Variants in PIK3R3 observed in about 807,000 individuals in gnomAD.
PIK3R3 encodes phosphatidylinositol 3-kinase regulatory subunit gamma.
A neutral mutation model predicts 62.9 loss-of-function variants in PIK3R3; 64 were observed. That is an observed-to-expected ratio of 1.02 (90% CI 0.83 to 1.25). The LOEUF (loss-of-function observed/expected upper bound fraction) is 1.25, where lower values mean the gene tolerates loss of function less well. Among genes scored for constraint, PIK3R3 ranks in the 50% most tolerant of loss-of-function variants. The pLI, the probability that PIK3R3 is intolerant of heterozygous loss-of-function variation, is 0.00. For synonymous variants in PIK3R3, 165 were observed against 189.0 expected (o/e 0.87, Z 1.04); for missense variants, 614 against 561.6 (o/e 1.09, Z -0.94).
intron 1 of PIK3R3, among the ~76,000 whole-genome samples, chr1:46,101,410 G>A (rs150720145): frequency 2.3e-4 from 35 of 151,780 alleles, no homozygotes; most frequent in African/African-American, 8.0e-4. Flanking sequence ...GGAGGCTGAG[G>A]CAGGAGAATC....
At chr1:46,131,793 G>C in intron 1 of PIK3R3, 54 bp downstream of exon 1, 3 of 1,538,548 alleles carry the variant, frequency 1.9e-6, no homozygotes, top group Non-Finnish European at 1.8e-6. Flanking sequence ...GCAAGCTCTT[G>C]GTAAATACAA....
chr1:46,105,132 C>T (rs1653074904), intron 1 of PIK3R3: 1 of 702,692 alleles, frequency 1.4e-6, no homozygotes, highest in Non-Finnish European at 2.6e-6. Context: ...TGGAACCTGT[C>T]CCCTGATGGG....
In PIK3R3 at chr1:46,046,034, G is replaced by T; in HGVS notation, c.1071C>A (p.Thr357=). Residue 357 remains threonine (T), a synonymous_variant, in exon 9 of 10, where the codon ACC becomes ACA. Coordinates refer to ENST00000262741, the MANE Select transcript of PIK3R3 (RefSeq NM_003629.4). ...DENLPHYDEK[T]WFVEDINRVQ... ...CTCGATTGATATCCTCAACAAACCA[G>T]GTTTTCTCATCATAATGGGGCAGGT... 6.2e-7 allele frequency: 1 copy of T among 1,611,556 alleles called. No individual in the cohort carries two copies. The highest frequency in any genetic ancestry group is 8.5e-7 in the Non-Finnish European group (1 of 1,178,222).
At chr1:46,066,817 G>GT in intron 4 of PIK3R3, 94 bp downstream of exon 4, 2 of 1,053,534 alleles carry the variant, frequency 1.9e-6, no homozygotes, top group Non-Finnish European at 2.9e-6. Context: ...AAAATGGCTA[G>GT]TTTTTTAAAA....
rs1647026979 is a variant in PIK3R3, at chr1:46,043,221, G to A, written c.*452C>T. On this transcript the variant is annotated 3_prime_UTR_variant, in exon 10 of 10. Coordinates refer to ENST00000262741, the MANE Select transcript of PIK3R3 (RefSeq NM_003629.4). ...CCCATTCTATCACAAAACCTAAACAGCCTTCTTCGTGGGGGGAAGAGAGAC... is the reference window on the plus strand; with the variant it reads ...CCCATTCTATCACAAAACCTAAACAACCTTCTTCGTGGGGGGAAGAGAGAC... The A allele has an allele frequency of 4.3e-6, 1 of 233,284 alleles. No homozygotes were observed. Among genetic ancestry groups the A allele is most frequent in the African/African-American group, 2.2e-5 (1 of 45,250 alleles). 14.5% of individuals were successfully genotyped at this position (233,284 alleles called of 1,614,324 possible).
chr1:46,094,871 C>T (rs1023104430), intron 1 of PIK3R3, among the ~76,000 whole-genome samples: 1 of 152,132 alleles, frequency 6.6e-6, no homozygotes, highest in Non-Finnish European at 1.5e-5. Context: ...ATGTTACTGA[C>T]GTTGAGAGAG....
At chr1:46,063,946 C>T (rs1648753167) in intron 5 of PIK3R3, among the ~76,000 whole-genome samples, 1 of 152,226 alleles carries the variant, frequency 6.6e-6, no homozygotes, top group Admixed American at 6.5e-5. Context: ...GCACCGGTGG[C>T]TTACGCCTGT....
At chr1:46,133,175 A>T (rs1254024853), upstream of PIK3R3, 2 of 199,498 alleles carry the variant, frequency 1.0e-5, no homozygotes, top group Non-Finnish European at 1.8e-5. Context: ...CCCAGTTACT[A>T]AGCGGGACAA....
At chr1:46,076,564 ATTTCT>A (rs1650083396) in intron 3 of PIK3R3, among the ~76,000 whole-genome samples, 2 of 152,188 alleles carry the variant, frequency 1.3e-5, no homozygotes, top group African/African-American at 4.8e-5. Context: ...AAAGGTATTA[ATTTCT>A]TTAGCTCTTT....
intron 1 of PIK3R3, among the ~76,000 whole-genome samples, chr1:46,115,287 T>C (rs1217592767): frequency 6.6e-6 from 1 of 152,198 alleles, no homozygotes; most frequent in Non-Finnish European, 1.5e-5. Flanking sequence ...GCGTATGTAA[T>C]TCAAATTCAA....
intron 5 of PIK3R3, among the ~76,000 whole-genome samples, chr1:46,065,407 G>A (rs1648897319): frequency 6.6e-6 from 1 of 152,204 alleles, no homozygotes; most frequent in South Asian, 2.1e-4. Flanking sequence ...AGCTAACTAA[G>A]TCTACTAGTA....
intron 2 of PIK3R3, among the ~76,000 whole-genome samples, chr1:46,079,931 G>C (rs1001079134): frequency 6.6e-5 from 10 of 150,502 alleles, no homozygotes; most frequent in Non-Finnish European, 8.8e-5. Context: ...TCCAGCCTGG[G>C]CAACAGAGTG....
upstream of PIK3R3, among the ~76,000 whole-genome samples, chr1:46,137,535 G>T (rs1655973988): frequency 6.6e-6 from 1 of 152,196 alleles, no homozygotes; most frequent in African/African-American, 2.4e-5. Context: ...GCCTGAAAAA[G>T]TTTCGTCGAA....
At chr1:46,113,751 A>G (rs1390570462) in intron 1 of PIK3R3, among the ~76,000 whole-genome samples, 2 of 152,224 alleles carry the variant, frequency 1.3e-5, no homozygotes, top group East Asian at 1.9e-4. Context: ...CATTCAATCA[A>G]TATTTACTGA....
the PIK3R3 span, among the ~76,000 whole-genome samples, chr1:46,139,736 G>A: frequency 3.3e-5 from 5 of 152,040 alleles, no homozygotes; most frequent in African/African-American, 9.7e-5. Context: ...TGGCATCCTC[G>A]ACTGCTGAGT....
chr1:46,047,448 AAAAGAAAG>A (rs58791009), intron 7 of PIK3R3, among the ~76,000 whole-genome samples: 2 of 141,776 alleles, frequency 1.4e-5, no homozygotes, highest in African/African-American at 5.3e-5. Flanking sequence ...AAAAAAAAAA[AAAAGAAAG>A]AAAGAAAGAA....
chr1:46,165,788 T>C, the PIK3R3 span, among the ~76,000 whole-genome samples: 1 of 109,672 alleles, frequency 9.1e-6, no homozygotes, highest in East Asian at 2.7e-4. Context: ...TTTTTTTTTT[T>C]TGAGACTGAG....
intron 7 of PIK3R3, 99 bp downstream of exon 7, chr1:46,055,696 T>A: frequency 1.2e-6 from 1 of 818,664 alleles, no homozygotes; most frequent in Non-Finnish European, 1.9e-6. Flanking sequence ...CAATTCTCAA[T>A]TACAAATCTC....
At chr1:46,173,536 TGA>T in the PIK3R3 span, among the ~76,000 whole-genome samples, 1 of 152,190 alleles carries the variant, frequency 6.6e-6, no homozygotes, top group Non-Finnish European at 1.5e-5. Flanking sequence ...CCTTCCAGCC[TGA>T]GAGCCTGGTG....
Sources: gnomAD v4.1 joint callset for allele counts (sites outside exome capture counted in the v4.1 genomes callset) on GRCh38, gnomAD v4.1.1 for gene constraint, MANE v1.5 for transcripts, NCBI Gene and HGNC (gene_info 2026-07-23, HGNC 2026-07-21) for gene names.